The following CAB39L variants were observed in gnomAD, a reference collection of about 807,000 sequenced individuals.
The protein encoded by CAB39L is calcium-binding protein 39-like.
A neutral mutation model predicts 39.1 loss-of-function variants in CAB39L; 23 were observed. That is an observed-to-expected ratio of 0.59 (90% confidence interval 0.42 to 0.83). The LOEUF (loss-of-function observed/expected upper bound fraction) is 0.83, where lower values mean the gene tolerates loss of function less well. Ranked by LOEUF, CAB39L falls within the 40% of genes least tolerant of loss-of-function variation. The probability of loss-of-function intolerance (pLI) is 0.00; values close to 1 mark genes in which losing one functional copy is unlikely to be tolerated. For synonymous variants in CAB39L, 126 were observed against 137.2 expected (o/e 0.92, Z 0.57); for missense variants, 366 against 391.9 (o/e 0.93, Z 0.56).
chr13:49,323,029 C>T (rs543141174), intron 10 of CAB39L, among the ~76,000 whole-genome samples: 66 of 152,320 alleles, frequency 4.3e-4, no homozygotes, highest in African/African-American at 1.5e-3. Context: ...AATCTTTCCA[C>T]ATAGGTCTTG....
chr13:49,343,946 T>C (rs1183134620), intron 8 of CAB39L, among the ~76,000 whole-genome samples: 3 of 152,192 alleles, frequency 2.0e-5, no homozygotes, highest in Admixed American at 2.0e-4. Context: ...TAGTCATTTA[T>C]TGAGCTTCAG....
At position 49,350,823 on chromosome 13, in the gene CAB39L, GAA is replaced by G. The variant is rs1566082710; in HGVS notation, c.483_484del (p.Ser162Ter). 1 of 1,612,436 alleles carries G rather than the reference GAA, an allele frequency of 6.2e-7. No homozygotes were observed. The highest frequency in any genetic ancestry group is 1.1e-5 in the South Asian group (1 of 90,748). ...CTTAAAGAAATCTCTGAATTGATTA[GAA>G]AAGAGGATGATTTTGGCAAGTGGTT... On this transcript the variant is annotated frameshift_variant, in exon 7 of 11. Transcript: ENST00000409308. LOFTEE classifies it high-confidence loss of function.
intron 2 of CAB39L, 73 bp from the exon 3 acceptor site, chr13:49,433,466 T>A (rs528530861): frequency 2.4e-6 from 1 of 417,550 alleles, no homozygotes; most frequent in Admixed American, 3.1e-5. Flanking sequence ...TCTTATTGCT[T>A]TCAGGTATAC....
intron 3 of CAB39L, among the ~76,000 whole-genome samples, chr13:49,426,132 C>T (rs1957240927): frequency 6.6e-6 from 1 of 152,146 alleles, no homozygotes; most frequent in African/African-American, 2.4e-5. Flanking sequence ...CCCTCCTCTA[C>T]CTTGAGATTC....
chr13:49,372,835 C>T (rs573123633), intron 5 of CAB39L, among the ~76,000 whole-genome samples: 8 of 152,122 alleles, frequency 5.3e-5, no homozygotes, highest in East Asian at 3.9e-4. Flanking sequence ...CCACCACGCC[C>T]GGCTAATTTT....
intron 10 of CAB39L, among the ~76,000 whole-genome samples, chr13:49,323,400 T>A (rs1279584440): frequency 6.6e-6 from 1 of 152,236 alleles, no homozygotes; most frequent in Non-Finnish European, 1.5e-5. Flanking sequence ...ACTGAGCTTT[T>A]AGCCACTTAT....
chr13:49,392,468 C>T (rs1956510838), intron 3 of CAB39L, among the ~76,000 whole-genome samples: 1 of 151,896 alleles, frequency 6.6e-6, no homozygotes, highest in African/African-American at 2.4e-5. Context: ...GAAACCCCAT[C>T]TCTACTAAAA....
chr13:49,393,231 T>C (rs1389316492), intron 3 of CAB39L, among the ~76,000 whole-genome samples: 1 of 152,114 alleles, frequency 6.6e-6, no homozygotes, highest in African/African-American at 2.4e-5. Context: ...TAAATATACA[T>C]ACAGCTTTCA....
chr13:49,417,026 G>T (rs1291625035), intron 3 of CAB39L, among the ~76,000 whole-genome samples: 2 of 152,152 alleles, frequency 1.3e-5, no homozygotes, highest in Non-Finnish European at 2.9e-5. Flanking sequence ...TGCCTAAATA[G>T]ATATTTGAAT....
At position 49,309,382 on chromosome 13, in the gene CAB39L, C is replaced by T. The variant is rs1953925532; in HGVS notation, c.*1432G>A. The stretch of plus-strand genomic sequence containing the variant: ...TACAAAATCTACAAAGGGGATCAGT[C>T]CTGGAGAACACATTTCTCTTCCCCT... On this transcript the variant is annotated 3_prime_UTR_variant, in exon 11 of 11. Transcript: ENST00000409308. 6.6e-6 allele frequency: 1 copy of T among 152,208 alleles called. No homozygotes were observed. The highest frequency in any genetic ancestry group is 2.1e-4 in the South Asian group (1 of 4,838). 9.4% of individuals were successfully genotyped at this position (152,208 alleles called of 1,614,324 possible).
At chr13:49,323,831 A>T (rs1954423775) in intron 10 of CAB39L, among the ~76,000 whole-genome samples, 1 of 152,208 alleles carries the variant, frequency 6.6e-6, no homozygotes, top group Non-Finnish European at 1.5e-5. Flanking sequence ...TAGTAAACAG[A>T]AAGAGAGGAT....
chr13:49,369,808 G>A (rs923496781), intron 5 of CAB39L, among the ~76,000 whole-genome samples: 5 of 151,930 alleles, frequency 3.3e-5, no homozygotes, highest in East Asian at 3.9e-4. Context: ...GGATGGTCTC[G>A]GGCTCCTGAC....
intron 3 of CAB39L, among the ~76,000 whole-genome samples, chr13:49,400,554 T>G (rs932951898): frequency 2.0e-5 from 3 of 152,026 alleles, no homozygotes; most frequent in Non-Finnish European, 4.4e-5. Context: ...ACAAAATAAC[T>G]GCTTTATTCC....
At chr13:49,356,420 G>C (rs190575477) in intron 6 of CAB39L, among the ~76,000 whole-genome samples, 4 of 152,276 alleles carry the variant, frequency 2.6e-5, no homozygotes, top group African/African-American at 9.6e-5. Flanking sequence ...ACCCTGGAAT[G>C]TCATTTGCCT....
chr13:49,431,597 C>T (rs1184201848), intron 3 of CAB39L, among the ~76,000 whole-genome samples: 1 of 151,936 alleles, frequency 6.6e-6, no homozygotes, highest in Non-Finnish European at 1.5e-5. Flanking sequence ...ATCCCAGCTA[C>T]TTATGAGGCT....
At position 49,397,629 on chromosome 13, in the gene CAB39L, C is replaced by G. The variant is rs534944636; in HGVS notation, c.-31-14688G>C. ...TAGTTCCAGAAAAAAAAACTAGTAACTTTATTCATTACGTTCACACTGATG... is the reference window on the plus strand; with the variant it reads ...TAGTTCCAGAAAAAAAAACTAGTAAGTTTATTCATTACGTTCACACTGATG... On this transcript the variant is annotated intron_variant, in intron 3 of 10. Transcript: ENST00000409308. Among the ~76,000 whole-genome samples, 147 of 152,064 alleles carry G rather than the reference C, an allele frequency of 9.7e-4. 1 individual carries two copies. Among genetic ancestry groups the G allele is most frequent in the African/African-American group, 3.4e-3 (141 of 41,510 alleles).
At chr13:49,352,151 A>G (rs1436146174) in intron 6 of CAB39L, among the ~76,000 whole-genome samples, 3 of 152,080 alleles carry the variant, frequency 2.0e-5, no homozygotes, top group Non-Finnish European at 4.4e-5. Context: ...CATGGCTCAC[A>G]GCAAAAAATA....
intron 3 of CAB39L, among the ~76,000 whole-genome samples, chr13:49,402,006 G>T (rs1222715817): frequency 6.6e-6 from 1 of 152,052 alleles, no homozygotes; most frequent in Non-Finnish European, 1.5e-5. Context: ...TCTTAATACG[G>T]TATATTTTGA....
At chr13:49,441,176 A>T (rs1957510858) in intron 1 of CAB39L, among the ~76,000 whole-genome samples, 1 of 142,932 alleles carries the variant, frequency 7.0e-6, no homozygotes, top group South Asian at 2.2e-4. Flanking sequence ...AATCTCGTGC[A>T]ATGTTTTATG....
Sources: allele counts gnomAD v4.1 joint callset (sites outside exome capture counted in the v4.1 genomes callset), GRCh38; gene constraint gnomAD v4.1.1; transcripts MANE v1.5; gene names NCBI Gene and HGNC (gene_info 2026-07-23, HGNC 2026-07-21).